The following CELF4 variants were observed in gnomAD, a reference collection of about 807,000 sequenced individuals.
The protein encoded by CELF4 is CUG-BP- and ETR-3-like factor 4.
In CELF4, 18 loss-of-function variants were observed where a neutral mutation model predicts 59.9. The ratio of observed to expected loss-of-function variants is 0.30; its 90% CI spans 0.21 to 0.45. The LOEUF is 0.45. Among genes scored for constraint, CELF4 ranks in the 20% least tolerant of loss-of-function variants. CELF4 has a pLI of 1.00. For synonymous variants in CELF4, 261 were observed against 267.1 expected, an observed-to-expected ratio of 0.98 and a Z score of 0.22; for missense variants, 456 against 689.0, an observed-to-expected ratio of 0.66 and a Z score of 3.79.
chr18:37,397,856 TC>T (rs1327239474), intron 2 of CELF4, among the ~76,000 whole-genome samples: 1 of 151,948 alleles, frequency 6.6e-6, no homozygotes, highest in Non-Finnish European at 1.5e-5. Flanking sequence ...AGGAATTCCA[TC>T]CCCAGACCCT....
chr18:37,289,028 C>T (rs2095093624), intron 3 of CELF4, among the ~76,000 whole-genome samples: 1 of 152,208 alleles, frequency 6.6e-6, no homozygotes, highest in Admixed American at 6.5e-5. Flanking sequence ...CTCAGTCCGG[C>T]AGTCAGTATT....
At position 37,253,943 on chromosome 18, in the gene CELF4, C is replaced by T. The variant is rs752501892; in HGVS notation, c.1334-5G>A. On this transcript the variant is annotated splice_polypyrimidine_tract_variant and splice_region_variant and intron_variant, in intron 11 of 12. Transcript: ENST00000420428. This position sits in a 1 kb window ranked among gnomAD's most constrained non-coding sequence, Gnocchi z 4.5. Reference sequence around the variant, plus strand: ...GGTTGTCGAAGCTCACGAAGCCTGGCGAGACACGAGGGACGAGGGCCTGGG... The same window carrying T: ...GGTTGTCGAAGCTCACGAAGCCTGGTGAGACACGAGGGACGAGGGCCTGGG... 5 of 1,596,972 alleles carry T rather than the reference C, an allele frequency of 3.1e-6. No homozygotes were observed. In the East Asian group the frequency reaches 9.2e-5, roughly 29 times the overall value.
At chr18:37,356,193 A>G (rs1293497248) in intron 2 of CELF4, among the ~76,000 whole-genome samples, 1 of 152,250 alleles carries the variant, frequency 6.6e-6, no homozygotes, top group Non-Finnish European at 1.5e-5. Flanking sequence ...GGGGCCATCA[A>G]AGCCACTTAG....
chr18:37,473,758 T>C (rs2099840910), intron 2 of CELF4: 1 of 152,250 alleles, frequency 6.6e-6, no homozygotes. Context: ...CCCCTGACCA[T>C]CTCCACCAGG....
intron 2 of CELF4, among the ~76,000 whole-genome samples, chr18:37,450,336 G>A (rs879095731): frequency 7.3e-5 from 11 of 151,676 alleles, no homozygotes; most frequent in East Asian, 3.9e-4. Flanking sequence ...TGTGCTATAC[G>A]TCTCTCTCTG....
chr18:37,352,269 G>A (rs2098457800), intron 2 of CELF4, among the ~76,000 whole-genome samples: 1 of 152,194 alleles, frequency 6.6e-6, no homozygotes, highest in African/African-American at 2.4e-5. Flanking sequence ...TATGATGGCT[G>A]TCAGTTCATG....
At chr18:37,561,022 G>A (rs2099986365) in intron 1 of CELF4, among the ~76,000 whole-genome samples, 1 of 152,206 alleles carries the variant, frequency 6.6e-6, no homozygotes, top group Admixed American at 6.5e-5. Context: ...AGGTATAGTT[G>A]AAATAGAAGA....
chr18:37,320,335 C>CA (rs397858112), intron 3 of CELF4, among the ~76,000 whole-genome samples: 822 of 64,434 alleles, frequency 0.013, 5 homozygotes, highest in South Asian at 0.056. Context: ...GACTCCATCT[C>CA]AAAAAAAAAA....
intron 2 of CELF4, among the ~76,000 whole-genome samples, chr18:37,432,382 G>A (rs2099672382): frequency 6.6e-6 from 1 of 152,190 alleles, no homozygotes; most frequent in Non-Finnish European, 1.5e-5. Context: ...TGGGAAAGAG[G>A]ACATTTGTTC....
chr18:37,519,438 ATCTT>A (rs941885521), intron 1 of CELF4, among the ~76,000 whole-genome samples: 5 of 152,056 alleles, frequency 3.3e-5, no homozygotes, highest in African/African-American at 1.2e-4. Flanking sequence ...TCTGCAGGTC[ATCTT>A]TCTTGGAGGC....
chr18:37,525,021 C>G (rs2099962156), intron 1 of CELF4, among the ~76,000 whole-genome samples: 1 of 152,228 alleles, frequency 6.6e-6, no homozygotes. Context: ...CCTCCCTTCT[C>G]CTTTGTTAAC....
intron 1 of CELF4, among the ~76,000 whole-genome samples, chr18:37,514,556 C>T (rs1221432622): frequency 6.6e-6 from 1 of 152,134 alleles, no homozygotes; most frequent in Admixed American, 6.6e-5. Context: ...AACAGACAAT[C>T]ACACGAGGAA....
At chr18:37,458,811 G>A (rs2099785781) in intron 2 of CELF4, among the ~76,000 whole-genome samples, 1 of 152,206 alleles carries the variant, frequency 6.6e-6, no homozygotes, top group Non-Finnish European at 1.5e-5. Flanking sequence ...ATTAAGGTTT[G>A]CAGAACCCAT....
chr18:37,539,134 C>A (rs183599600), intron 1 of CELF4, among the ~76,000 whole-genome samples: 117 of 152,342 alleles, frequency 7.7e-4, no homozygotes, highest in Non-Finnish European at 1.4e-3. Context: ...AAACACACTG[C>A]CTCTTGGAAA....
intron 2 of CELF4, among the ~76,000 whole-genome samples, chr18:37,331,091 C>G (rs112131164): frequency 0.022 from 3,274 of 152,264 alleles, 127 homozygotes; most frequent in African/African-American, 0.075. Context: ...AGGACACATA[C>G]CGGCACGTAG....
intron 1 of CELF4, among the ~76,000 whole-genome samples, chr18:37,559,929 G>T (rs1310062693): frequency 6.6e-6 from 1 of 152,160 alleles, no homozygotes; most frequent in African/African-American, 2.4e-5. Flanking sequence ...TGTGTAGGGG[G>T]CATAGTGATG....
intron 1 of CELF4, among the ~76,000 whole-genome samples, chr18:37,525,272 A>C (rs1303117535): frequency 6.6e-6 from 1 of 152,132 alleles, no homozygotes; most frequent in Non-Finnish European, 1.5e-5. Context: ...AACCAACAAG[A>C]GGCCCTTCTT....
At chr18:37,458,765 C>T (rs1049787902) in intron 2 of CELF4, among the ~76,000 whole-genome samples, 1 of 152,144 alleles carries the variant, frequency 6.6e-6, no homozygotes, top group South Asian at 2.1e-4. Context: ...TAAAGTTTCT[C>T]GGGGTTTGCA....
intron 2 of CELF4, among the ~76,000 whole-genome samples, chr18:37,368,821 G>T (rs2098821529): frequency 6.6e-6 from 1 of 152,238 alleles, no homozygotes; most frequent in Non-Finnish European, 1.5e-5. Context: ...ATGCACACCT[G>T]TACAGTCTGT....
Sources: allele counts gnomAD v4.1 joint callset (sites outside exome capture counted in the v4.1 genomes callset), GRCh38; gene constraint gnomAD v4.1.1; non-coding constraint Gnocchi (gnomAD v3.1); transcripts MANE v1.5; gene names NCBI Gene and HGNC (gene_info 2026-07-23, HGNC 2026-07-21).